TMPRSS15: variants seen among roughly 807,000 people sequenced by gnomAD.
TMPRSS15 encodes the protein transmembrane serine protease 15.
Under a neutral mutation model 125.3 loss-of-function variants are expected in TMPRSS15, and 128 were observed. That is an observed-to-expected ratio of 1.02 (90% CI 0.89 to 1.18). TMPRSS15 has a LOEUF of 1.18. Ranked by LOEUF, TMPRSS15 falls within the 50% of genes most tolerant of loss-of-function variation. TMPRSS15 has a pLI of 0.00. For synonymous variants in TMPRSS15, 446 were observed against 423.2 expected, an observed-to-expected ratio of 1.05 and a Z score of -0.66; for missense variants, 1,283 against 1,212.7, an observed-to-expected ratio of 1.06 and a Z score of -0.86.
At chr21:18,427,777 C>T (rs2076206494) in intron 1 of TMPRSS15, among the ~76,000 whole-genome samples, 1 of 152,118 alleles carries the variant, frequency 6.6e-6, no homozygotes, top group South Asian at 2.1e-4. Context: ...TTTTTTAAAA[C>T]ATTTTTTTCC....
rs891813925 is a variant in TMPRSS15 at position 18,329,305 on chromosome 21, A to G, written c.1655-11T>C. 1.9e-6 allele frequency: 3 copies of G among 1,606,914 alleles called. No individual in the cohort carries two copies. On this transcript the variant is annotated splice_polypyrimidine_tract_variant and intron_variant, in intron 14 of 24. Transcript: ENST00000284885. ...TTAAAATCCAAACACCTAAAAAGTA[A>G]GAAGTAACATTTAATTTGGAACACA... is the stretch of plus-strand genomic sequence containing the variant.
At chr21:18,302,619 T>A (rs1412109399) in intron 18 of TMPRSS15, among the ~76,000 whole-genome samples, 1 of 152,214 alleles carries the variant, frequency 6.6e-6, no homozygotes, top group East Asian at 1.9e-4. Context: ...AAAACAATTA[T>A]CTTAACCTAA....
chr21:18,384,352 G>C (rs552706213), intron 3 of TMPRSS15, among the ~76,000 whole-genome samples: 1 of 151,950 alleles, frequency 6.6e-6, no homozygotes, highest in African/African-American at 2.4e-5. Context: ...AGAAAACAAG[G>C]GTATCTGGGT....
chr21:18,389,926 C>T (rs1464702281), intron 3 of TMPRSS15, among the ~76,000 whole-genome samples: 1 of 152,176 alleles, frequency 6.6e-6, no homozygotes. Flanking sequence ...CACTGTGTAT[C>T]TCCAATGTCC....
chr21:18,305,607 A>G (rs2075029715), intron 18 of TMPRSS15, among the ~76,000 whole-genome samples: 1 of 152,134 alleles, frequency 6.6e-6, no homozygotes, highest in African/African-American at 2.4e-5. Flanking sequence ...TGAGGCTGAG[A>G]CTAGGTGATT....
Position 18,283,834 on chromosome 21 carries a change from AC to A in TMPRSS15, c.2487-2614del, listed in dbSNP as rs1280228262. On this transcript the variant is annotated intron_variant, in intron 21 of 24. Coordinates refer to ENST00000284885, the MANE Select transcript of TMPRSS15 (RefSeq NM_002772.3). Reference sequence around the variant, plus strand: ...CCAAATTCTTCTTTGTAAATACTATACTTTATCTGAGAACTAATCAACATAA... The same window carrying A: ...CCAAATTCTTCTTTGTAAATACTATATTTATCTGAGAACTAATCAACATAA... 2.0e-5 allele frequency among the ~76,000 whole-genome samples: 3 copies of A among 152,316 alleles called. No individual in the cohort carries two copies. In the East Asian group the frequency reaches 5.8e-4, roughly 29 times the overall value.
chr21:18,272,556 TC>T (rs1485179593), intron 24 of TMPRSS15, among the ~76,000 whole-genome samples: 1 of 151,950 alleles, frequency 6.6e-6, no homozygotes, highest in African/African-American at 2.4e-5. Context: ...AAACCCGGTC[TC>T]TACTAAAAAT....
rs79070986 is a variant in TMPRSS15, at chr21:18,457,131, A to T, written c.10+28668T>A. ...TATTGTGAAATGCATAGTAATTGTA[A>T]CAATTTGGTAGATTGTTGAAATAAT... On this transcript the variant is annotated intron_variant, in intron 1 of 7. Transcript: ENST00000422787. Among the ~76,000 whole-genome samples the T allele has an allele frequency of 6.3e-3, 957 of 152,174 alleles. 8 individuals are homozygous for T. Among genetic ancestry groups the T allele is most frequent in the African/African-American group, 0.021 (866 of 41,552 alleles).
intron 1 of TMPRSS15, among the ~76,000 whole-genome samples, chr21:18,451,362 A>G (rs1480035822): frequency 6.6e-6 from 1 of 152,158 alleles, no homozygotes; most frequent in Non-Finnish European, 1.5e-5. Context: ...ATTTTAGTGA[A>G]TTGATCATAG....
chr21:18,408,782 G>A (rs981659425), upstream of TMPRSS15, among the ~76,000 whole-genome samples: 2 of 152,066 alleles, frequency 1.3e-5, no homozygotes, highest in African/African-American at 4.8e-5. Context: ...GGATTCTTAA[G>A]TACTGCAATC....
At chr21:18,453,893 T>A (rs1350079217) in intron 1 of TMPRSS15, among the ~76,000 whole-genome samples, 1 of 152,184 alleles carries the variant, frequency 6.6e-6, no homozygotes, top group Non-Finnish European at 1.5e-5. Context: ...AATTAGCCAA[T>A]CACAGAAGGA....
At chr21:18,273,096 G>C (rs2074579385) in intron 24 of TMPRSS15, among the ~76,000 whole-genome samples, 1 of 152,188 alleles carries the variant, frequency 6.6e-6, no homozygotes, top group Admixed American at 6.5e-5. Context: ...CGCATTGAAA[G>C]CCATTGGAAT....
At chr21:18,477,736 C>T (rs1601477157) in intron 1 of TMPRSS15, 1 of 152,222 alleles carries the variant, frequency 6.6e-6, no homozygotes, top group East Asian at 1.9e-4. Context: ...AGTTTACTTT[C>T]ACTTACTGAA....
At chr21:18,282,027 G>A (rs574870952) in intron 21 of TMPRSS15, among the ~76,000 whole-genome samples, 86 of 149,762 alleles carry the variant, frequency 5.7e-4, no homozygotes, top group African/African-American at 2.0e-3. Context: ...GAACCCGGGG[G>A]GCGGAGCTTG....
intron 1 of TMPRSS15, among the ~76,000 whole-genome samples, chr21:18,411,931 G>A (rs545572461): frequency 2.6e-4 from 39 of 152,220 alleles, no homozygotes; most frequent in African/African-American, 7.0e-4. Context: ...GAAGAAACAC[G>A]AACCAGGCTG....
At chr21:18,281,316 T>C in intron 21 of TMPRSS15, 95 bp from the exon 22 acceptor site, 1 of 1,049,310 alleles carries the variant, frequency 9.5e-7, no homozygotes, top group Non-Finnish European at 1.5e-6. Flanking sequence ...TATGTTTCTA[T>C]CCTGAAATGT....
rs917310511 is a variant in TMPRSS15 at position 18,299,306 on chromosome 21, G to A, written c.2166-1477C>T. On this transcript the variant is annotated intron_variant, in intron 18 of 24. Transcript: ENST00000284885. ...AGTCTGGAATGCTCCAGATCATGAA[G>A]AACTTCACAGATGCAGAACACTTGT... Among the ~76,000 whole-genome samples the A allele has an allele frequency of 2.6e-5, 4 of 152,192 alleles. No homozygotes were observed. The East Asian group carries it at 7.7e-4, about 29-fold the overall frequency.
At chr21:18,423,510 G>A (rs1248712971) in intron 1 of TMPRSS15, among the ~76,000 whole-genome samples, 3 of 151,456 alleles carry the variant, frequency 2.0e-5, no homozygotes, top group South Asian at 2.1e-4. Flanking sequence ...CCGGGTTCAG[G>A]CCATTCTCCT....
At chr21:18,407,666 G>A (rs1351033297), upstream of TMPRSS15, among the ~76,000 whole-genome samples, 2 of 151,900 alleles carry the variant, frequency 1.3e-5, no homozygotes, top group Non-Finnish European at 2.9e-5. Context: ...TCACTTCGTT[G>A]TCCAGGCTGG....
Sources: allele counts gnomAD v4.1 joint callset (sites outside exome capture counted in the v4.1 genomes callset), GRCh38; gene constraint gnomAD v4.1.1; transcripts MANE v1.5; gene names NCBI Gene and HGNC (gene_info 2026-07-23, HGNC 2026-07-21).